The following PDXDC1 variants were observed in gnomAD, a reference collection of about 807,000 sequenced individuals.
PDXDC1 encodes the protein pyridoxal dependent decarboxylase domain containing 1, also known as pyridoxal-dependent decarboxylase domain-containing protein 1.
In PDXDC1, 42 loss-of-function variants were observed where a neutral mutation model predicts 100.1. That is an observed-to-expected ratio of 0.42 (90% CI 0.33 to 0.54). The LOEUF (loss-of-function observed/expected upper bound fraction) is 0.54, where lower values mean the gene tolerates loss of function less well. Ranked by LOEUF, PDXDC1 falls within the 20% of genes least tolerant of loss-of-function variation. The pLI is 0.10. For synonymous variants in PDXDC1, 260 were observed against 371.7 expected, an observed-to-expected ratio of 0.70 and a Z score of 3.46; for missense variants, 636 against 979.2, an observed-to-expected ratio of 0.65 and a Z score of 4.68.
At chr16:14,989,611 C>T (rs1450197797) in intron 1 of PDXDC1, 4 of 1,606,702 alleles carry the variant, frequency 2.5e-6, no homozygotes, top group Admixed American at 3.4e-5. Flanking sequence ...AGCACGCAGT[C>T]GCGGCCGGAC....
intron 16 of PDXDC1, among the ~76,000 whole-genome samples, chr16:15,098,528 T>C (rs2046435065): frequency 1.3e-5 from 2 of 152,094 alleles, no homozygotes; most frequent in African/African-American, 2.4e-5. Context: ...TTAGAAATTG[T>C]TCATCTGGAT....
intron 16 of PDXDC1, among the ~76,000 whole-genome samples, chr16:15,068,909 G>A (rs2045098828): frequency 1.3e-5 from 2 of 152,124 alleles, no homozygotes; most frequent in Non-Finnish European, 2.9e-5. Context: ...TTTCTTAGGA[G>A]TTTCTTTGAT....
chr16:15,149,008 G>A, the PDXDC1 span, among the ~76,000 whole-genome samples: 3 of 152,364 alleles, frequency 2.0e-5, no homozygotes, highest in South Asian at 6.2e-4. Context: ...ACGCCCGAGT[G>A]CGGGAGCCAC....
chr16:15,124,175 G>GGGTGGGGAGCTCCAAGCA (rs1333338520), intron 16 of PDXDC1, among the ~76,000 whole-genome samples: 2 of 152,124 alleles, frequency 1.3e-5, no homozygotes, highest in Non-Finnish European at 2.9e-5. Flanking sequence ...CATGTGTGAT[G>GGGTGGGGAGCTCCAAGCA]GGTGGGGAGC....
At chr16:15,055,303 G>A (rs1301395412) in intron 16 of PDXDC1, among the ~76,000 whole-genome samples, 1 of 152,204 alleles carries the variant, frequency 6.6e-6, no homozygotes, top group African/African-American at 2.4e-5. Context: ...CGTGCATCAG[G>A]GCGTGGTCCT....
At chr16:15,136,316 A>T (rs1038308227) in intron 16 of PDXDC1, among the ~76,000 whole-genome samples, 1 of 152,132 alleles carries the variant, frequency 6.6e-6, no homozygotes, top group Non-Finnish European at 1.5e-5. Flanking sequence ...GCCTGTGGGC[A>T]CCGGCAGGGA....
Position 15,133,587 on chromosome 16 carries a change from C to T in PDXDC1, c.1400-5292C>T, listed in dbSNP as rs1164254797. Reference sequence around the variant, plus strand: ...CTGAAACCCGGGGGCAGCACGGCTCCGTAGCCGGAGAGGCTGCCCTTGTAG... The same window carrying T: ...CTGAAACCCGGGGGCAGCACGGCTCTGTAGCCGGAGAGGCTGCCCTTGTAG... On this transcript the variant is annotated intron_variant, in intron 16 of 16. Coordinates refer to the PDXDC1 transcript ENST00000535621. The T allele has an allele frequency of 3.3e-5, 37 of 1,125,276 alleles. No homozygotes were observed. The African/African-American group carries it at 3.9e-4, about 12-fold the overall frequency. 69.7% of individuals were successfully genotyped at this position (1,125,276 alleles called of 1,614,324 possible).
chr16:15,036,013 T>C lies in PDXDC1; in HGVS notation c.2108-3T>C, dbSNP rs1175581678. ...CAGCGCAGTCTGTCTGCCCTTTCTG[T>C]AGGCCAGAAGCCTTTTAAAAGGTCC... On this transcript the variant is annotated splice_region_variant and splice_polypyrimidine_tract_variant and intron_variant, in intron 22 of 22. Transcript: ENST00000396410. The C allele has an allele frequency of 1.2e-6, 2 of 1,609,044 alleles. No individual in the cohort carries two copies. Among genetic ancestry groups the C allele is most frequent in the Middle Eastern group, 1.7e-4 (1 of 6,008 alleles).
At chr16:15,066,161 G>A (rs896030210) in intron 16 of PDXDC1, among the ~76,000 whole-genome samples, 1 of 152,140 alleles carries the variant, frequency 6.6e-6, no homozygotes, top group African/African-American at 2.4e-5. Context: ...AAGGCTCACA[G>A]CACTTGACCC....
Position 15,036,200 on chromosome 16 carries a change from C to A in PDXDC1, c.2292C>A (p.Thr764=), listed in dbSNP as rs745435529. The change falls in exon 23 of 23, where the codon ACC becomes ACA. Residue 764 remains threonine, a synonymous_variant. Transcript: ENST00000396410. ...CCAGCCCTCAGCACACCGACCAGAC[C>A]GAGGCCTTCCAGAAAGGGGTCCCAC... The part of the protein sequence containing the change: ...GAPSPQHTDQ[T]EAFQKGVPHP... 1.9e-6 allele frequency: 3 copies of A among 1,613,944 alleles called. No individual in the cohort carries two copies. The highest frequency in any genetic ancestry group is 2.7e-5 in the African/African-American group (2 of 74,900).
At chr16:15,132,460 C>T (rs2048150489) in intron 16 of PDXDC1, among the ~76,000 whole-genome samples, 1 of 146,632 alleles carries the variant, frequency 6.8e-6, no homozygotes, top group African/African-American at 2.5e-5. Context: ...GTGGAAGGCA[C>T]AGAACAGCAT....
chr16:15,002,136 G>A (rs1466293739), intron 4 of PDXDC1, among the ~76,000 whole-genome samples: 3 of 152,304 alleles, frequency 2.0e-5, no homozygotes, highest in Admixed American at 1.3e-4. Context: ...TTCTGCTGCT[G>A]TGCTTCTGCT....
At chr16:14,978,263 A>G (rs1448484181) in intron 1 of PDXDC1, among the ~76,000 whole-genome samples, 2 of 152,288 alleles carry the variant, frequency 1.3e-5, no homozygotes, top group Non-Finnish European at 2.9e-5. Context: ...ATAAGGAACA[A>G]GGCCCTGTAG....
At chr16:15,130,409 G>C (rs747087336) in intron 16 of PDXDC1, 3 of 1,565,552 alleles carry the variant, frequency 1.9e-6, no homozygotes, top group Non-Finnish European at 2.6e-6. Context: ...ACAGGCGGAA[G>C]TGGCTGGAGA....
intron 16 of PDXDC1, chr16:15,094,433 A>C (rs1430846136): frequency 4.6e-5 from 28 of 609,490 alleles, no homozygotes; most frequent in Non-Finnish European, 8.1e-5. Context: ...TGTTCCAGCC[A>C]GCGCTAGTGC....
At chr16:15,035,609 C>A (rs1257150980) in intron 22 of PDXDC1, 56 bp downstream of exon 22, 4 of 1,011,966 alleles carry the variant, frequency 4.0e-6, no homozygotes, top group Admixed American at 2.7e-5. Flanking sequence ...TTGACTGTTA[C>A]TTGCGTTTGT....
intron 1 of PDXDC1, among the ~76,000 whole-genome samples, chr16:14,985,997 G>A (rs1308917605): frequency 6.6e-6 from 1 of 152,252 alleles, no homozygotes; most frequent in African/African-American, 2.4e-5. Context: ...TCTGCTCAGG[G>A]GGCTGAGGTT....
At chr16:15,053,182 G>C (rs532985106) in intron 16 of PDXDC1, among the ~76,000 whole-genome samples, 3 of 152,212 alleles carry the variant, frequency 2.0e-5, no homozygotes, top group Admixed American at 2.0e-4. Context: ...ACTGAATAGC[G>C]CAGCTCCAGA....
intron 16 of PDXDC1, among the ~76,000 whole-genome samples, chr16:15,132,042 T>G (rs1598252429): frequency 3.1e-4 from 1 of 3,230 alleles, no homozygotes. Flanking sequence ...GGAAGGAGGA[T>G]AAGGGGGATA....
Sources: allele counts gnomAD v4.1 joint callset (sites outside exome capture counted in the v4.1 genomes callset), GRCh38; gene constraint gnomAD v4.1.1; transcripts MANE v1.5; gene names NCBI Gene and HGNC (gene_info 2026-07-23, HGNC 2026-07-21).